RAB2A: variants seen among roughly 807,000 people sequenced by gnomAD.
RAB2A encodes the protein ras-related protein Rab-2A.
In RAB2A, 7 loss-of-function variants were observed where a neutral mutation model predicts 32.5. The ratio of observed to expected loss-of-function variants is 0.22; its 90% CI spans 0.12 to 0.40. The LOEUF is 0.40. Ranked by LOEUF, RAB2A falls within the 10% of genes least tolerant of loss-of-function variation. RAB2A has a pLI of 1.00. For synonymous variants in RAB2A, 79 were observed against 85.2 expected (o/e 0.93, Z 0.40); for missense variants, 108 against 260.7 (o/e 0.41, Z 4.03).
At chr8:60,614,614 G>A (rs1351459531) in intron 6 of RAB2A, among the ~76,000 whole-genome samples, 4 of 152,166 alleles carry the variant, frequency 2.6e-5, no homozygotes, top group African/African-American at 9.7e-5. Flanking sequence ...ATTAGCGTGT[G>A]TATTTACTGA....
chr8:60,556,563 G>GCTAA (rs1807941681), intron 1 of RAB2A, among the ~76,000 whole-genome samples: 2 of 150,926 alleles, frequency 1.3e-5, no homozygotes, highest in African/African-American at 4.9e-5. Context: ...TACCTGAGAG[G>GCTAA]CTAAGGTGGT....
chr8:60,549,436 GAGACC>G (rs1434563507), intron 1 of RAB2A, among the ~76,000 whole-genome samples: 4 of 151,968 alleles, frequency 2.6e-5, no homozygotes, highest in African/African-American at 7.3e-5. Flanking sequence ...TTAGGAGCTG[GAGACC>G]AGCCCGGCCA....
chr8:60,572,136 G>A (rs561670645), intron 3 of RAB2A, 23 bp downstream of exon 3: 3 of 1,525,982 alleles, frequency 2.0e-6, no homozygotes, highest in African/African-American at 1.4e-5. Context: ...AAAGTGCACT[G>A]TATGATCTCA....
rs146510644 is a variant in RAB2A, at chr8:60,565,253, T to C, written c.118+6330T>C. On this transcript the variant is annotated intron_variant, in intron 2 of 7. Transcript: ENST00000262646. ...GGGCAACAAAGCAAGATCCCATCTC[T>C]ACAAAAAGTTTAAAAACTAGTCAGG... Among the ~76,000 whole-genome samples the C allele has an allele frequency of 2.6e-5, 4 of 152,102 alleles. No homozygotes were observed. In the East Asian group the frequency reaches 7.7e-4, roughly 29 times the overall value.
chr8:60,539,583 TAA>T (rs1807607576), intron 1 of RAB2A, among the ~76,000 whole-genome samples: 1 of 152,180 alleles, frequency 6.6e-6, no homozygotes. Flanking sequence ...TCACCAAATA[TAA>T]AACGTAGGAC....
chr8:60,560,158 C>T (rs1336261456), intron 2 of RAB2A, among the ~76,000 whole-genome samples: 1 of 152,142 alleles, frequency 6.6e-6, no homozygotes, highest in Non-Finnish European at 1.5e-5. Context: ...GGTGCAATCA[C>T]AGCTCACTGC....
Position 60,623,202 on chromosome 8 carries a change from A to C in RAB2A, c.*2433A>C, listed in dbSNP as rs1804557122. 1 of 152,272 alleles carries C rather than the reference A, an allele frequency of 6.6e-6. No homozygotes were observed. The highest frequency in any genetic ancestry group is 2.4e-5 in the African/African-American group (1 of 41,472). 9.4% of individuals were successfully genotyped at this position (152,272 alleles called of 1,614,324 possible). On this transcript the variant is annotated 3_prime_UTR_variant, in exon 8 of 8. Transcript: ENST00000262646. ...CCAATTTTTTGAAAGAATGTGGCATATAATTAGATATACAACTGAAACAGG... is the reference window on the plus strand; with the variant it reads ...CCAATTTTTTGAAAGAATGTGGCATCTAATTAGATATACAACTGAAACAGG...
chr8:60,573,536 C>T (rs1808226427), intron 3 of RAB2A, among the ~76,000 whole-genome samples: 1 of 152,156 alleles, frequency 6.6e-6, no homozygotes, highest in Non-Finnish European at 1.5e-5. Flanking sequence ...GTCCACTCGA[C>T]TCTGGGTTCT....
intron 3 of RAB2A, among the ~76,000 whole-genome samples, chr8:60,572,756 T>C (rs1323625043): frequency 1.3e-5 from 2 of 152,190 alleles, no homozygotes; most frequent in Non-Finnish European, 2.9e-5. Context: ...ACTTTATACA[T>C]TTAAAAATTA....
At chr8:60,547,128 TTTAACA>T (rs1489967489) in intron 1 of RAB2A, among the ~76,000 whole-genome samples, 1 of 151,446 alleles carries the variant, frequency 6.6e-6, no homozygotes, top group Admixed American at 6.6e-5. Context: ...CAAGCATCTG[TTTAACA>T]AAGCACATCT....
intron 1 of RAB2A, among the ~76,000 whole-genome samples, chr8:60,550,714 T>G (rs1807832264): frequency 6.6e-6 from 1 of 152,138 alleles, no homozygotes; most frequent in Admixed American, 6.5e-5. Context: ...TGCTTCTACT[T>G]GTAAGTTCTC....
At chr8:60,566,897 G>T (rs1199638810) in intron 2 of RAB2A, among the ~76,000 whole-genome samples, 1 of 152,050 alleles carries the variant, frequency 6.6e-6, no homozygotes, top group Non-Finnish European at 1.5e-5. Context: ...GAGGATAATG[G>T]CCTTCAGCTC....
At chr8:60,567,336 G>A (rs1178412160) in intron 2 of RAB2A, among the ~76,000 whole-genome samples, 1 of 151,994 alleles carries the variant, frequency 6.6e-6, no homozygotes, top group African/African-American at 2.4e-5. Flanking sequence ...GGATGGTCTC[G>A]ATCTCCTGAC....
At chr8:60,611,616 C>CTT (rs1804350428) in intron 6 of RAB2A, among the ~76,000 whole-genome samples, 1 of 152,172 alleles carries the variant, frequency 6.6e-6, no homozygotes, top group Admixed American at 6.5e-5. Flanking sequence ...TCAGGAAATG[C>CTT]TTATTAAATG....
intron 5 of RAB2A, among the ~76,000 whole-genome samples, chr8:60,587,541 C>A (rs1282296511): frequency 2.0e-5 from 3 of 152,092 alleles, no homozygotes; most frequent in Non-Finnish European, 4.4e-5. Context: ...AACTTTTGTT[C>A]TTCAAAAGAC....
rs2150441011 is a variant in RAB2A at position 60,621,590 on chromosome 8, C to A, written c.*821C>A. On this transcript the variant is annotated 3_prime_UTR_variant, in exon 8 of 8. Coordinates refer to ENST00000262646, the MANE Select transcript of RAB2A (RefSeq NM_002865.3). ...GTATAATGAGTGAAAAGGGCAGAAG[C>A]AAGAAATTTCTACATCTTAGCGACT... is the stretch of plus-strand genomic sequence containing the variant. The A allele has an allele frequency of 6.6e-6, 1 of 152,244 alleles. No individual in the cohort carries two copies. Among genetic ancestry groups the A allele is most frequent in the Middle Eastern group, 3.4e-3 (1 of 294 alleles). 9.4% of individuals were successfully genotyped at this position (152,244 alleles called of 1,614,324 possible). A position where few individuals can be genotyped will look rare whatever the true frequency, so the allele number is the denominator to read the frequency against.
intron 3 of RAB2A, among the ~76,000 whole-genome samples, chr8:60,577,814 T>TTTTTG: frequency 6.9e-6 from 1 of 144,744 alleles, no homozygotes; most frequent in Non-Finnish European, 1.5e-5. Flanking sequence ...TTTTTTTTTT[T>TTTTTG]TGGATTTTTA....
At chr8:60,547,780 G>A (rs1397667255) in intron 1 of RAB2A, among the ~76,000 whole-genome samples, 7 of 126,918 alleles carry the variant, frequency 5.5e-5, no homozygotes, top group East Asian at 2.6e-4. Flanking sequence ...AGGGGCGGCC[G>A]GGCAGAGGCG....
rs377480315 is a variant in RAB2A, at chr8:60,620,662, C to G, written c.544-12C>G. On this transcript the variant is annotated splice_polypyrimidine_tract_variant and intron_variant, in intron 7 of 7. Transcript: ENST00000262646. ...CTGGTCATATTTATTGTTCTGTTCTCTTTTATTTCAGGCAAATGGCATTAA... is the reference window on the plus strand; with the variant it reads ...CTGGTCATATTTATTGTTCTGTTCTGTTTTATTTCAGGCAAATGGCATTAA... 81 of 1,590,536 alleles carry G rather than the reference C, an allele frequency of 5.1e-5. No homozygotes were observed. Among genetic ancestry groups the G allele is most frequent in the Non-Finnish European group, 6.3e-5 (73 of 1,160,186 alleles).
Sources: gnomAD v4.1 joint callset for allele counts (sites outside exome capture counted in the v4.1 genomes callset) on GRCh38, gnomAD v4.1.1 for gene constraint, MANE v1.5 for transcripts, NCBI Gene and HGNC (gene_info 2026-07-23, HGNC 2026-07-21) for gene names.